Variants in SLC15A2 observed in about 807,000 individuals in gnomAD.
The protein encoded by SLC15A2 is kidney H(+)/peptide cotransporter.
In SLC15A2, 77 loss-of-function variants were observed where a neutral mutation model predicts 95.5. The observed-to-expected ratio is 0.81, with a 90% confidence interval of 0.67 to 0.97. SLC15A2 has a LOEUF of 0.97. Ranked by LOEUF, SLC15A2 falls within the 50% of genes least tolerant of loss-of-function variation. SLC15A2 has a pLI of 0.00. For synonymous variants in SLC15A2, 306 were observed against 306.9 expected (o/e 1.00, Z 0.03); for missense variants, 893 against 874.4 (o/e 1.02, Z -0.27).
intron 3 of SLC15A2, among the ~76,000 whole-genome samples, chr3:121,911,083 T>C (rs1321283529): frequency 6.6e-6 from 1 of 152,214 alleles, no homozygotes; most frequent in Non-Finnish European, 1.5e-5. Context: ...GAGGAAGTTG[T>C]TTGGGTTAGC....
chr3:121,922,380 G>C, intron 8 of SLC15A2, 78 bp downstream of exon 8: 3 of 1,128,086 alleles, frequency 2.7e-6, no homozygotes, highest in Non-Finnish European at 3.9e-6. Flanking sequence ...GCCTTCAAAC[G>C]TGGGCATACA....
At chr3:121,923,977 C>A (rs187318209) in intron 11 of SLC15A2, among the ~76,000 whole-genome samples, 2 of 152,346 alleles carry the variant, frequency 1.3e-5, no homozygotes, top group African/African-American at 2.4e-5. Flanking sequence ...TTTGGAAACA[C>A]TATGTGTCAG....
chr3:121,910,300 G>A (rs1163733180), intron 3 of SLC15A2, among the ~76,000 whole-genome samples: 2 of 150,464 alleles, frequency 1.3e-5, no homozygotes, highest in African/African-American at 2.4e-5. Context: ...TGGTTCAAGC[G>A]ATTCTCCTGC....
chr3:121,907,503 T>A (rs915679166), intron 3 of SLC15A2, among the ~76,000 whole-genome samples: 1 of 152,210 alleles, frequency 6.6e-6, no homozygotes, highest in African/African-American at 2.4e-5. Flanking sequence ...TCTACCTTTG[T>A]TCTTTGATGC....
In SLC15A2 at chr3:121,896,326, T is replaced by C. The variant is rs1012130653; in HGVS notation, c.106-80T>C. ...ACCAAGATGATTTGAAATAAATGAA[T>C]TTTTCAGTTTTGAAGAAATCTAATT... is the stretch of plus-strand genomic sequence containing the variant. On this transcript the variant is annotated intron_variant, in intron 1 of 21. Coordinates refer to ENST00000489711, the MANE Select transcript of SLC15A2 (RefSeq NM_021082.4). 9.9e-6 allele frequency: 11 copies of C among 1,110,868 alleles called. No homozygotes were observed. In the African/African-American group the frequency reaches 1.7e-4, roughly 17 times the overall value. The allele number at this position is 1,110,868 out of a possible 1,614,324, so 68.8% of individuals were successfully genotyped here.
chr3:121,913,951 C>A (rs1709826091), intron 5 of SLC15A2, among the ~76,000 whole-genome samples: 1 of 150,448 alleles, frequency 6.6e-6, no homozygotes, highest in South Asian at 2.1e-4. Context: ...CTCCCCCCCA[C>A]CTCCCGCCAC....
chr3:121,931,782 A>G (rs1710238103), intron 19 of SLC15A2, 47 bp downstream of exon 19: 3 of 1,081,502 alleles, frequency 2.8e-6, no homozygotes, highest in Non-Finnish European at 4.3e-6. Flanking sequence ...ATATACATAT[A>G]TCTCCTGAGA....
intron 19 of SLC15A2, among the ~76,000 whole-genome samples, chr3:121,936,347 C>T (rs2107611056): frequency 6.6e-6 from 1 of 152,230 alleles, no homozygotes; most frequent in East Asian, 1.9e-4. Context: ...TTTGATCTGT[C>T]TAATGTTGAC....
chr3:121,903,942 G>T (rs562197859), intron 3 of SLC15A2, among the ~76,000 whole-genome samples: 1 of 152,312 alleles, frequency 6.6e-6, no homozygotes, highest in South Asian at 2.1e-4. Context: ...ACCTTGGGCA[G>T]TATGGCCATT....
In SLC15A2 at chr3:121,930,879, G is replaced by A. The variant is rs945601947; in HGVS notation, c.1593G>A (p.Leu531=). The change falls in exon 18 of 22, where the codon CTG becomes CTA. Residue 531 remains leucine, a synonymous_variant. Transcript: ENST00000489711. ...TGCATAAAGATGTCAACATCTCCCT[G>A]AGTACAGATACCTCTCTCAATGTTG... ...NTLHKDVNIS[L]STDTSLNVGE... 1.1e-5 allele frequency: 18 copies of A among 1,613,388 alleles called. No individual in the cohort carries two copies. Among genetic ancestry groups the A allele is most frequent in the Non-Finnish European group, 1.5e-5 (18 of 1,179,492 alleles).
At position 121,923,223 on chromosome 3, in the gene SLC15A2, G is replaced by A. The variant is rs201759568; in HGVS notation, c.959G>A (p.Gly320Asp). The change falls in exon 11 of 22, where the codon GGT becomes GAT. Residue 320 changes from glycine to aspartate, a missense_variant and splice_region_variant. Transcript: ENST00000489711. The stretch of plus-strand genomic sequence containing the variant: ...CATAACAGGATCTGTTTGCCCTAGG[G>A]TTCACGATGGACTTTGCAAGCCATC... ...PMFWALLDQQ[G>D]SRWTLQAIRM... The A allele has an allele frequency of 7.8e-5, 126 of 1,613,876 alleles. No individual in the cohort carries two copies. Among genetic ancestry groups the A allele is most frequent in the Non-Finnish European group, 1.0e-4 (123 of 1,179,898 alleles).
chr3:121,912,989 A>G lies in SLC15A2; in HGVS notation c.429-32A>G. The G allele has an allele frequency of 3.3e-6, 5 of 1,513,254 alleles. 1 individual carries two copies. Among genetic ancestry groups the G allele is most frequent in the East Asian group, 4.5e-5 (2 of 44,288 alleles). 93.7% of individuals were successfully genotyped at this position (1,513,254 alleles called of 1,614,324 possible). Reference sequence around the variant, plus strand: ...ATCTCTACAGGTGCATTTAGTATCAACATGGTTGGCATTCTCACCTCTCCA... The same window carrying G: ...ATCTCTACAGGTGCATTTAGTATCAGCATGGTTGGCATTCTCACCTCTCCA... On this transcript the variant is annotated intron_variant, in intron 4 of 21. Transcript: ENST00000489711.
chr3:121,917,924 A>AG (rs1709927431), intron 7 of SLC15A2, among the ~76,000 whole-genome samples: 1 of 152,218 alleles, frequency 6.6e-6, no homozygotes, highest in African/African-American at 2.4e-5. Context: ...AGCATAAAAA[A>AG]GAATGATAAA....
At chr3:121,896,786 G>A (rs1300143831) in intron 2 of SLC15A2, among the ~76,000 whole-genome samples, 1 of 151,626 alleles carries the variant, frequency 6.6e-6, no homozygotes, top group Non-Finnish European at 1.5e-5. Context: ...CTACTTGGGA[G>A]GCTGAAGCAG....
chr3:121,929,813 T>C (rs1710197057), intron 17 of SLC15A2, among the ~76,000 whole-genome samples: 1 of 152,192 alleles, frequency 6.6e-6, no homozygotes, highest in Non-Finnish European at 1.5e-5. Context: ...CAGATAAGGC[T>C]GAAGGGTCTT....
intron 18 of SLC15A2, 66 bp from the exon 19 acceptor site, chr3:121,931,573 A>C: frequency 1.0e-6 from 1 of 976,814 alleles, no homozygotes; most frequent in Non-Finnish European, 1.6e-6. Flanking sequence ...GATCACTTTC[A>C]CCTGGAGATG....
chr3:121,915,648 G>C lies in SLC15A2; in HGVS notation c.652G>C (p.Ala218Pro). ...DVQCFGEDCY[A>P]LAFGVPGLLM... Reference sequence around the variant, plus strand: ...GCAATGTTTTGGAGAAGACTGCTATGCATTGGCTTTTGGAGTTCCAGGACT... The same window carrying C: ...GCAATGTTTTGGAGAAGACTGCTATCCATTGGCTTTTGGAGTTCCAGGACT... The change falls in exon 7 of 22, where the codon GCA becomes CCA. Residue 218 changes from alanine to proline, a missense_variant. Physicochemically the swap from Ala to Pro is conservative, Grantham distance 27 (BLOSUM62 -1). Coordinates refer to ENST00000489711, the MANE Select transcript of SLC15A2 (RefSeq NM_021082.4). 6.2e-7 allele frequency: 1 copy of C among 1,614,012 alleles called. No individual in the cohort carries two copies. The highest frequency in any genetic ancestry group is 8.5e-7 in the Non-Finnish European group (1 of 1,179,906).
intron 17 of SLC15A2, 33 bp from the exon 18 acceptor site, chr3:121,930,807 T>G: frequency 7.2e-7 from 1 of 1,396,222 alleles, no homozygotes; most frequent in Non-Finnish European, 1.0e-6. Flanking sequence ...TGTTCCTGTT[T>G]GTTTGATATG....
chr3:121,937,367 C>G (rs1395164300), intron 19 of SLC15A2, among the ~76,000 whole-genome samples: 22 of 108,808 alleles, frequency 2.0e-4, no homozygotes, highest in East Asian at 7.6e-4. Flanking sequence ...TGTTTTCCAA[C>G]TTGGTTCCAT....
Sources: allele counts gnomAD v4.1 joint callset (sites outside exome capture counted in the v4.1 genomes callset), GRCh38; gene constraint gnomAD v4.1.1; transcripts MANE v1.5; gene names NCBI Gene and HGNC (gene_info 2026-07-23, HGNC 2026-07-21).